NCOA2: variants seen among roughly 807,000 people sequenced by gnomAD.
NCOA2 encodes the protein class E basic helix-loop-helix protein 75.
In NCOA2, 21 loss-of-function variants were observed where a neutral mutation model predicts 145.1. The observed-to-expected ratio is 0.14, with a 90% confidence interval of 0.10 to 0.21. The LOEUF is 0.21. Among genes scored for constraint, NCOA2 ranks in the 10% least tolerant of loss-of-function variants. The pLI is 1.00. For synonymous variants in NCOA2, 619 were observed against 637.5 expected (o/e 0.97, Z 0.44); for missense variants, 1,472 against 1,837.6 (o/e 0.80, Z 3.64).
At position 70,159,616 on chromosome 8, in the gene NCOA2, C is replaced by T. The variant is rs1812723409; in HGVS notation, c.1013G>A (p.Arg338His). Residue 338 changes from arginine (R) to histidine (H), a missense_variant, in exon 10 of 23, where the codon CGT becomes CAT. Arg to His is a conservative substitution (Grantham distance 29). This residue lies in a region of NCOA2 where 284 missense variants were observed against 467.8 expected (regional missense o/e 0.61). Coordinates refer to ENST00000452400, the MANE Select transcript of NCOA2 (RefSeq NM_006540.4). ...AAGAGTGCCATCAGACAAGGAAAAACGATAGATTTGACTGAATGCCAATCC... is the reference window on the plus strand; with the variant it reads ...AAGAGTGCCATCAGACAAGGAAAAATGATAGATTTGACTGAATGCCAATCC... ...RQGLAFSQIY[R>H]FSLSDGTLVA... 14 of 1,612,310 alleles carry T rather than the reference C, an allele frequency of 8.7e-6. No homozygotes were observed. The highest frequency in any genetic ancestry group is 1.1e-5 in the Non-Finnish European group (13 of 1,178,718).
chr8:70,159,166 T>G (rs1200215559), intron 10 of NCOA2, among the ~76,000 whole-genome samples: 1 of 147,006 alleles, frequency 6.8e-6, no homozygotes, highest in Non-Finnish European at 1.5e-5. Context: ...TAGAAATAAT[T>G]TCTTATACCT....
chr8:70,394,764 CT>C (rs774677131), intron 1 of NCOA2, among the ~76,000 whole-genome samples: 10 of 152,114 alleles, frequency 6.6e-5, no homozygotes, highest in Admixed American at 1.3e-4. Flanking sequence ...TAACAATATC[CT>C]TAAACAGGGA....
upstream of NCOA2, among the ~76,000 whole-genome samples, chr8:70,405,776 T>G (rs1814762071): frequency 6.6e-6 from 1 of 152,166 alleles, no homozygotes; most frequent in Non-Finnish European, 1.5e-5. Context: ...AATCGTAGAT[T>G]TCACACTTTT....
At chr8:70,428,617 T>C in the NCOA2 span, among the ~76,000 whole-genome samples, 1 of 152,088 alleles carries the variant, frequency 6.6e-6, no homozygotes, top group African/African-American at 2.4e-5. Context: ...AGTGAGACCA[T>C]ATCTAAAAAT....
At chr8:70,168,099 G>C (rs1443200130) in intron 6 of NCOA2, among the ~76,000 whole-genome samples, 2 of 152,154 alleles carry the variant, frequency 1.3e-5, no homozygotes, top group Non-Finnish European at 2.9e-5. Context: ...AAAGAAAATG[G>C]AGAAGGACAT....
intron 20 of NCOA2, among the ~76,000 whole-genome samples, 157 bp from the exon 21 acceptor site, chr8:70,124,239 A>G (rs946524866): frequency 2.0e-5 from 3 of 152,128 alleles, no homozygotes; most frequent in African/African-American, 7.2e-5. Context: ...GGGCTTGCTG[A>G]AGCCGAGACA....
chr8:70,169,150 TA>T (rs1813954332), intron 6 of NCOA2, among the ~76,000 whole-genome samples: 1 of 152,118 alleles, frequency 6.6e-6, no homozygotes, highest in South Asian at 2.1e-4. Flanking sequence ...TTGAGAATAT[TA>T]AAAAAAGAAT....
intron 13 of NCOA2, among the ~76,000 whole-genome samples, chr8:70,141,964 A>T (rs1810488522): frequency 6.6e-6 from 1 of 152,202 alleles, no homozygotes; most frequent in Admixed American, 6.5e-5. Flanking sequence ...AGCCAAGGCA[A>T]GGGAGTTCCT....
intron 1 of NCOA2, among the ~76,000 whole-genome samples, chr8:70,306,403 T>C (rs1365185560): frequency 1.3e-5 from 2 of 152,170 alleles, no homozygotes; most frequent in African/African-American, 2.4e-5. Flanking sequence ...ACTATGTACA[T>C]GAAAAGGTGT....
intron 1 of NCOA2, among the ~76,000 whole-genome samples, chr8:70,386,150 C>G (rs796182050): frequency 2.0e-5 from 3 of 152,330 alleles, no homozygotes; most frequent in African/African-American, 7.2e-5. Context: ...AAGTACTGTT[C>G]CCCACTATAT....
intron 1 of NCOA2, among the ~76,000 whole-genome samples, chr8:70,367,407 C>CT (rs1351830541): frequency 6.6e-6 from 1 of 151,820 alleles, no homozygotes; most frequent in Non-Finnish European, 1.5e-5. Flanking sequence ...TATTTTTTTC[C>CT]TTTTTTCCTC....
At chr8:70,324,267 C>G (rs1307001845) in intron 1 of NCOA2, among the ~76,000 whole-genome samples, 1 of 152,166 alleles carries the variant, frequency 6.6e-6, no homozygotes, top group Non-Finnish European at 1.5e-5. Context: ...CATTCATTCT[C>G]TAGTTCCTCA....
Position 70,156,992 on chromosome 8 carries a change from G to A in NCOA2, c.1373C>T (p.Pro458Leu), listed in dbSNP as rs772305223. 8.7e-6 allele frequency: 14 copies of A among 1,613,932 alleles called. No homozygotes were observed. Among genetic ancestry groups the A allele is most frequent in the Middle Eastern group, 3.3e-4 (2 of 6,084 alleles). ...NHVSGMQATT[P>L]QGSNYALKMN... Reference sequence around the variant, plus strand: ...TTTGAGTGCATAGTTACTACCCTGAGGAGTGGTTGCTTGCATGCCTGACAC... The same window carrying A: ...TTTGAGTGCATAGTTACTACCCTGAAGAGTGGTTGCTTGCATGCCTGACAC... Residue 458 changes from proline to leucine, a missense_variant, in exon 11 of 23, where the codon CCT becomes CTT. Physicochemically the swap from Pro to Leu is moderately conservative, Grantham distance 98 (BLOSUM62 -3). This residue lies in a region of NCOA2 where 953 missense variants were observed against 1,062.1 expected (regional missense o/e 0.90). Coordinates refer to ENST00000452400, the MANE Select transcript of NCOA2 (RefSeq NM_006540.4).
chr8:70,314,044 AT>A (rs1805346528), intron 1 of NCOA2, among the ~76,000 whole-genome samples: 1 of 151,218 alleles, frequency 6.6e-6, no homozygotes. Flanking sequence ...GCTTGGCATG[AT>A]GGCGGACGCC....
intron 4 of NCOA2, among the ~76,000 whole-genome samples, chr8:70,191,217 A>C (rs1038926885): frequency 6.6e-6 from 1 of 152,232 alleles, no homozygotes; most frequent in Admixed American, 6.5e-5. Context: ...CCTATAGGCA[A>C]GGAATGGGCA....
chr8:70,178,789 A>C (rs527393286), intron 4 of NCOA2, among the ~76,000 whole-genome samples: 1 of 152,368 alleles, frequency 6.6e-6, no homozygotes, highest in South Asian at 2.1e-4. Flanking sequence ...GCAAGTGGAC[A>C]GCAAGAAAAC....
chr8:70,254,639 T>C (rs191805131), intron 2 of NCOA2, among the ~76,000 whole-genome samples: 128 of 132,392 alleles, frequency 9.7e-4, no homozygotes, highest in African/African-American at 3.6e-3. Context: ...TTACATGAGG[T>C]AGTCAAATCT....
chr8:70,372,460 C>T (rs899451898), intron 1 of NCOA2, among the ~76,000 whole-genome samples: 7 of 152,114 alleles, frequency 4.6e-5, no homozygotes, highest in African/African-American at 1.2e-4. Context: ...AAACCAACCC[C>T]ACCAACCCAA....
intron 1 of NCOA2, among the ~76,000 whole-genome samples, chr8:70,340,883 AACACATGG>A (rs1808071559): frequency 6.6e-6 from 1 of 152,148 alleles, no homozygotes; most frequent in African/African-American, 2.4e-5. Flanking sequence ...GAATGATAAG[AACACATGG>A]ACACATGGTA....
Sources: allele counts gnomAD v4.1 joint callset (sites outside exome capture counted in the v4.1 genomes callset), GRCh38; gene constraint gnomAD v4.1.1; regional missense constraint gnomAD v4.1.1; transcripts MANE v1.5; gene names NCBI Gene and HGNC (gene_info 2026-07-23, HGNC 2026-07-21).